The following HS3ST4 variants were observed in gnomAD, a reference collection of about 807,000 sequenced individuals.
HS3ST4 encodes the protein heparan sulfate-glucosamine 3-sulfotransferase 4, also known as heparan sulfate glucosamine 3-O-sulfotransferase 4.
In HS3ST4, 17 loss-of-function variants were observed where a neutral mutation model predicts 29.2. The ratio of observed to expected loss-of-function variants is 0.58; its 90% CI spans 0.40 to 0.87. The LOEUF (loss-of-function observed/expected upper bound fraction) is 0.87. HS3ST4 is among the 40% of genes least tolerant of loss of function. HS3ST4 has a pLI of 0.00. For missense variants in HS3ST4, 627 were observed against 634.5 expected (o/e 0.99, Z 0.13); for synonymous variants, 314 against 285.7 (o/e 1.10, Z -1.00).
chr16:25,940,069 G>A (rs1020819225), intron 1 of HS3ST4, among the ~76,000 whole-genome samples: 1 of 152,228 alleles, frequency 6.6e-6, no homozygotes, highest in Admixed American at 6.5e-5. Flanking sequence ...AGCAGACCTC[G>A]GAGGAGGTCA....
intron 1 of HS3ST4, among the ~76,000 whole-genome samples, chr16:25,758,041 G>A (rs914789325): frequency 2.0e-5 from 3 of 152,090 alleles, no homozygotes; most frequent in African/African-American, 7.2e-5. Flanking sequence ...ATAACTTGCA[G>A]CATTATCAGT....
intron 1 of HS3ST4, among the ~76,000 whole-genome samples, chr16:25,790,504 A>G (rs980468175): frequency 1.3e-5 from 2 of 152,226 alleles, no homozygotes; most frequent in African/African-American, 4.8e-5. Flanking sequence ...TTAAATTCCC[A>G]TCAGCAATGT....
intron 1 of HS3ST4, among the ~76,000 whole-genome samples, chr16:25,858,060 T>C (rs116248776): frequency 0.014 from 2,042 of 151,198 alleles, 60 homozygotes; most frequent in African/African-American, 0.047. Flanking sequence ...TTTCTTTCTT[T>C]CGTTCTTTTT....
chr16:25,894,091 C>T (rs965418112), intron 1 of HS3ST4, among the ~76,000 whole-genome samples: 1 of 152,150 alleles, frequency 6.6e-6, no homozygotes, highest in African/African-American at 2.4e-5. Flanking sequence ...TCCCTCAAGT[C>T]GCTATTTTCT....
chr16:25,827,533 CAA>C (rs11371550), intron 1 of HS3ST4, among the ~76,000 whole-genome samples: 5 of 136,254 alleles, frequency 3.7e-5, no homozygotes, highest in South Asian at 2.4e-4. Flanking sequence ...GCTGTCTTCA[CAA>C]AAAAAAAAAA....
intron 1 of HS3ST4, among the ~76,000 whole-genome samples, chr16:25,984,023 G>A (rs1455490509): frequency 1.3e-5 from 2 of 152,080 alleles, no homozygotes; most frequent in African/African-American, 4.8e-5. Flanking sequence ...ACCAGATCAG[G>A]GTAATTTGCA....
chr16:26,027,784 G>T (rs1332665907), intron 1 of HS3ST4, among the ~76,000 whole-genome samples: 2 of 152,134 alleles, frequency 1.3e-5, no homozygotes, highest in African/African-American at 4.8e-5. Flanking sequence ...AGAAACTGAG[G>T]CTTAGGAGAA....
intron 1 of HS3ST4, among the ~76,000 whole-genome samples, chr16:25,965,929 T>C (rs886871364): frequency 1.3e-5 from 2 of 152,198 alleles, no homozygotes; most frequent in Non-Finnish European, 2.9e-5. Context: ...TCCTCCCACC[T>C]GGGCCTCCCA....
intron 1 of HS3ST4, among the ~76,000 whole-genome samples, chr16:25,875,127 G>A (rs1045685367): frequency 1.3e-5 from 2 of 152,124 alleles, no homozygotes; most frequent in African/African-American, 4.8e-5. Context: ...ATATTTTAGA[G>A]TATTAGACAG....
At chr16:25,978,649 A>G (rs117986817) in intron 1 of HS3ST4, among the ~76,000 whole-genome samples, 8,470 of 152,306 alleles carry the variant, frequency 0.056, 334 homozygotes, top group Middle Eastern at 0.092. Flanking sequence ...TTCTCATCTG[A>G]AAATCAGCAT....
intron 1 of HS3ST4, among the ~76,000 whole-genome samples, chr16:26,112,381 CTTTT>C (rs386384539): frequency 8.9e-6 from 1 of 111,970 alleles, no homozygotes. Flanking sequence ...GCCTCTACAT[CTTTT>C]TTTTTTTTTT....
chr16:25,732,366 A>G (rs1296024021), intron 1 of HS3ST4, among the ~76,000 whole-genome samples: 1 of 152,180 alleles, frequency 6.6e-6, no homozygotes, highest in African/African-American at 2.4e-5. Flanking sequence ...ATAAATTGAT[A>G]TTCCCATCTT....
Position 25,728,143 on chromosome 16 carries a change from A to G in HS3ST4, c.734+34992A>G, listed in dbSNP as rs373642826. Reference sequence around the variant, plus strand: ...CAGCCTCCTGAGTAGCTGGGATTACAGGCACGCGCCATCACACCCAGCCAA... The same window carrying G: ...CAGCCTCCTGAGTAGCTGGGATTACGGGCACGCGCCATCACACCCAGCCAA... On this transcript the variant is annotated intron_variant, in intron 1 of 1. Transcript: ENST00000331351. 1.9e-3 allele frequency among the ~76,000 whole-genome samples: 293 copies of G among 152,264 alleles called. 1 individual carries two copies. The highest frequency in any genetic ancestry group is 6.8e-3 in the African/African-American group (284 of 41,542).
At chr16:25,983,155 G>A (rs1443606097) in intron 1 of HS3ST4, among the ~76,000 whole-genome samples, 1 of 152,092 alleles carries the variant, frequency 6.6e-6, no homozygotes, top group East Asian at 1.9e-4. Context: ...AGGGAATGAG[G>A]TCGCTTTCAG....
intron 1 of HS3ST4, among the ~76,000 whole-genome samples, chr16:25,874,589 A>T (rs1967809686): frequency 6.6e-6 from 1 of 151,932 alleles, no homozygotes; most frequent in African/African-American, 2.4e-5. Flanking sequence ...CCATACATCA[A>T]CTCATCCAGC....
At chr16:25,859,387 C>A (rs1477975649) in intron 1 of HS3ST4, among the ~76,000 whole-genome samples, 1 of 152,174 alleles carries the variant, frequency 6.6e-6, no homozygotes, top group East Asian at 1.9e-4. Context: ...CTGAGCAAAC[C>A]AAGGCACTGA....
At chr16:25,747,834 T>C (rs1966694331) in intron 1 of HS3ST4, among the ~76,000 whole-genome samples, 1 of 152,170 alleles carries the variant, frequency 6.6e-6, no homozygotes, top group Non-Finnish European at 1.5e-5. Flanking sequence ...CTGGGAGGGA[T>C]AGGAGGAGAG....
chr16:26,009,589 T>G (rs2141738750), intron 1 of HS3ST4, among the ~76,000 whole-genome samples: 1 of 152,314 alleles, frequency 6.6e-6, no homozygotes. Flanking sequence ...CTGCCCCACC[T>G]TACTCGGGTG....
At chr16:25,800,562 G>A (rs1369159050) in intron 1 of HS3ST4, among the ~76,000 whole-genome samples, 2 of 152,038 alleles carry the variant, frequency 1.3e-5, no homozygotes, top group East Asian at 1.9e-4. Flanking sequence ...CCTCTGAAAC[G>A]CTACCCTAAG....
Sources: allele counts gnomAD v4.1 joint callset (sites outside exome capture counted in the v4.1 genomes callset), GRCh38; gene constraint gnomAD v4.1.1; transcripts MANE v1.5; gene names NCBI Gene and HGNC (gene_info 2026-07-23, HGNC 2026-07-21).